The following HS3ST3A1 variants were observed in gnomAD, a reference collection of about 807,000 sequenced individuals.
HS3ST3A1 encodes the protein heparan sulfate-glucosamine 3-sulfotransferase 3A1.
HS3ST3A1 carries 19 observed loss-of-function variants against 25.7 expected under a neutral mutation model. The observed-to-expected ratio is 0.74, with a 90% CI of 0.52 to 1.08. HS3ST3A1 has a LOEUF of 1.08. HS3ST3A1 is among the 50% of genes least tolerant of loss of function. The probability of loss-of-function intolerance (pLI) is 0.00; values close to 1 mark genes in which losing one functional copy is unlikely to be tolerated. For synonymous variants in HS3ST3A1, 226 were observed against 278.6 expected, an observed-to-expected ratio of 0.81 and a Z score of 1.88; for missense variants, 459 against 594.3, an observed-to-expected ratio of 0.77 and a Z score of 2.37.
intron 1 of HS3ST3A1, among the ~76,000 whole-genome samples, chr17:13,572,774 T>G (rs1409124908): frequency 6.6e-6 from 1 of 152,228 alleles, no homozygotes; most frequent in Non-Finnish European, 1.5e-5. Flanking sequence ...TGCAAGGCAC[T>G]GTGCCAGAAA....
At chr17:13,555,839 G>A (rs1907358832) in intron 1 of HS3ST3A1, 1 of 152,188 alleles carries the variant, frequency 6.6e-6, no homozygotes, top group African/African-American at 2.4e-5. Context: ...GTGTCTGAGA[G>A]TATATTATAT....
intron 1 of HS3ST3A1, among the ~76,000 whole-genome samples, chr17:13,500,859 A>G (rs1029682): frequency 0.81 from 123,851 of 152,192 alleles, 50,897 homozygotes; most frequent in East Asian, 0.94. Flanking sequence ...ATAGCCAAAG[A>G]GTGGAAGCAA....
At chr17:13,584,937 G>A (rs538467628) in intron 1 of HS3ST3A1, among the ~76,000 whole-genome samples, 1 of 152,192 alleles carries the variant, frequency 6.6e-6, no homozygotes, top group South Asian at 2.1e-4. Context: ...CATGCCATGT[G>A]GCTTCTGTCA....
chr17:13,560,289 C>CACAAAAAA (rs570211129), intron 1 of HS3ST3A1, among the ~76,000 whole-genome samples: 1 of 17,378 alleles, frequency 5.8e-5, no homozygotes, highest in African/African-American at 1.7e-4. Context: ...CACTCGTCTC[C>CACAAAAAA]AAAAAAAAAA....
In HS3ST3A1 at chr17:13,496,348, C is replaced by T. The variant is rs1166717432; in HGVS notation, c.1070G>A (p.Gly357Asp). ...KGFPCLKKAE[G>D]SSRPHCLGKT... ...GCCCAGGCAATGGGGCCGGCTGCTG[C>T]CCTCCGCCTTCTTCAGGCAGGGGAA... The change falls in exon 2 of 2, where the codon GGC (glycine) becomes GAC (aspartate). Residue 357 changes from glycine to aspartate, a missense_variant. Coordinates refer to ENST00000284110, the MANE Select transcript of HS3ST3A1 (RefSeq NM_006042.3). 1.3e-6 allele frequency: 2 copies of T among 1,523,096 alleles called. No homozygotes were observed. Among genetic ancestry groups the T allele is most frequent in the South Asian group, 2.4e-5 (2 of 84,212 alleles). 94.3% of individuals were successfully genotyped at this position (1,523,096 alleles called of 1,614,324 possible).
intron 1 of HS3ST3A1, among the ~76,000 whole-genome samples, chr17:13,527,160 C>G (rs866111426): frequency 1.3e-5 from 2 of 152,132 alleles, no homozygotes; most frequent in Non-Finnish European, 2.9e-5. Context: ...ACCCAGACAG[C>G]CTGGGTCTGC....
At chr17:13,557,919 C>T (rs889715638) in intron 1 of HS3ST3A1, among the ~76,000 whole-genome samples, 2 of 152,148 alleles carry the variant, frequency 1.3e-5, no homozygotes, top group Non-Finnish European at 2.9e-5. Flanking sequence ...TCCTGGTAAA[C>T]GTTTTGAATT....
At chr17:13,531,856 A>G (rs2142332690) in intron 1 of HS3ST3A1, among the ~76,000 whole-genome samples, 1 of 152,218 alleles carries the variant, frequency 6.6e-6, no homozygotes, top group African/African-American at 2.4e-5. Flanking sequence ...CATTAAACCC[A>G]CTCAGGAAGT....
chr17:13,596,665 T>C (rs1908586903), intron 1 of HS3ST3A1, among the ~76,000 whole-genome samples: 1 of 152,182 alleles, frequency 6.6e-6, no homozygotes, highest in African/African-American at 2.4e-5. Context: ...ATTCCCAATG[T>C]TCTTTCCTCT....
intron 1 of HS3ST3A1, among the ~76,000 whole-genome samples, chr17:13,592,237 C>T (rs1436166198): frequency 1.3e-5 from 2 of 152,204 alleles, no homozygotes; most frequent in East Asian, 3.8e-4. Context: ...CAAGTTATTT[C>T]ATCTTTCTGA....
At chr17:13,536,455 T>G (rs1286080949) in intron 1 of HS3ST3A1, among the ~76,000 whole-genome samples, 1 of 152,202 alleles carries the variant, frequency 6.6e-6, no homozygotes, top group Non-Finnish European at 1.5e-5. Flanking sequence ...GCTCCCCATC[T>G]CCTGGGTACC....
chr17:13,546,648 G>A (rs767216907), intron 1 of HS3ST3A1, among the ~76,000 whole-genome samples: 1 of 152,106 alleles, frequency 6.6e-6, no homozygotes, highest in Non-Finnish European at 1.5e-5. Context: ...CCCTCTTTCA[G>A]CCTCTCTCTT....
At position 13,513,865 on chromosome 17, in the gene HS3ST3A1, T is replaced by C. The variant is rs192476617; in HGVS notation, c.600-17047A>G. 1.5e-3 allele frequency among the ~76,000 whole-genome samples: 229 copies of C among 152,256 alleles called. 1 individual carries two copies. The highest frequency in any genetic ancestry group is 5.4e-3 in the African/African-American group (223 of 41,544). On this transcript the variant is annotated intron_variant, in intron 1 of 1. Transcript: ENST00000284110. The stretch of plus-strand genomic sequence containing the variant: ...AGCTTTGGAGCCATACTGTAAAACT[T>C]CTATGAAGGTATTTATATTTTGTCT...
At chr17:13,535,348 C>T (rs1906739570) in intron 1 of HS3ST3A1, among the ~76,000 whole-genome samples, 2 of 152,282 alleles carry the variant, frequency 1.3e-5, no homozygotes, top group South Asian at 2.1e-4. Flanking sequence ...TGGCACTACA[C>T]TTAGGGGCCG....
chr17:13,576,705 C>G (rs1907956413), intron 1 of HS3ST3A1, among the ~76,000 whole-genome samples: 1 of 152,184 alleles, frequency 6.6e-6, no homozygotes, highest in Non-Finnish European at 1.5e-5. Context: ...ACATCTGAGG[C>G]ATCTGATTTT....
At position 13,593,279 on chromosome 17, in the gene HS3ST3A1, T is replaced by G. The variant is rs192837088; in HGVS notation, c.599+7252A>C. ...GTCATACGCCCAAGTCTGATTTTCC[T>G]CTGACCCTTATTTTAGTTTTTAGCT... On this transcript the variant is annotated intron_variant, in intron 1 of 1. Coordinates refer to ENST00000284110, the MANE Select transcript of HS3ST3A1 (RefSeq NM_006042.3). Among the ~76,000 whole-genome samples the G allele has an allele frequency of 2.3e-3, 334 of 147,722 alleles. 1 individual carries two copies. The highest frequency in any genetic ancestry group is 7.7e-3 in the African/African-American group (314 of 40,538).
chr17:13,593,232 CCA>C (rs1908478186), intron 1 of HS3ST3A1, among the ~76,000 whole-genome samples: 1 of 56,786 alleles, frequency 1.8e-5, no homozygotes. Context: ...ATGTTTGTAG[CCA>C]AAAAAAAAAA....
At chr17:13,590,890 C>T (rs932229224) in intron 1 of HS3ST3A1, among the ~76,000 whole-genome samples, 1 of 149,344 alleles carries the variant, frequency 6.7e-6, no homozygotes, top group Non-Finnish European at 1.5e-5. Context: ...CAGCAAGGTT[C>T]CGGGAGAGCA....
In HS3ST3A1 at chr17:13,600,938, C is replaced by A; in HGVS notation, c.192G>T (p.Gly64=). ...VGLSGGGEEA[G]APGGGVLAGG... ...CGGCCAGGACGCCGCCACCAGGGGC[C>A]CCCGCCTCCTCGCCGCCGCCGGACA... Residue 64 remains glycine (G), a synonymous_variant, in exon 1 of 2, where the codon GGG becomes GGT. Coordinates refer to ENST00000284110, the MANE Select transcript of HS3ST3A1 (RefSeq NM_006042.3). 6.5e-7 allele frequency: 1 copy of A among 1,534,024 alleles called. No individual in the cohort carries two copies. Among genetic ancestry groups the A allele is most frequent in the South Asian group, 1.2e-5 (1 of 82,762 alleles).
Sources: allele counts gnomAD v4.1 joint callset (sites outside exome capture counted in the v4.1 genomes callset), GRCh38; gene constraint gnomAD v4.1.1; transcripts MANE v1.5; gene names NCBI Gene and HGNC (gene_info 2026-07-23, HGNC 2026-07-21).